Variants in HS6ST3 observed in about 807,000 individuals in gnomAD.
HS6ST3 encodes the protein heparan-sulfate 6-O-sulfotransferase 3.
HS6ST3 carries 12 observed loss-of-function variants against 36.7 expected under a neutral mutation model. That is an observed-to-expected ratio of 0.33 (90% confidence interval 0.21 to 0.53). The LOEUF is 0.53. HS6ST3 is among the 20% of genes least tolerant of loss of function. The pLI, the probability that HS6ST3 is intolerant of heterozygous loss-of-function variation, is 0.95. For missense variants in HS6ST3, 584 were observed against 640.9 expected (o/e 0.91, Z 0.96); for synonymous variants, 240 against 257.5 (o/e 0.93, Z 0.65).
At chr13:96,495,267 A>G (rs906485909) in intron 1 of HS6ST3, among the ~76,000 whole-genome samples, 4 of 152,232 alleles carry the variant, frequency 2.6e-5, no homozygotes, top group Admixed American at 6.5e-5. Context: ...AGAGGATGCC[A>G]TATCATGAGG....
intron 1 of HS6ST3, among the ~76,000 whole-genome samples, chr13:96,273,299 G>T (rs7986153): frequency 0.53 from 81,020 of 151,652 alleles, 22,295 homozygotes; most frequent in African/African-American, 0.63. Flanking sequence ...TATAGTCCAG[G>T]GCATTTAATT....
At chr13:96,119,921 A>G (rs955496572) in intron 1 of HS6ST3, among the ~76,000 whole-genome samples, 1 of 151,892 alleles carries the variant, frequency 6.6e-6, no homozygotes. Flanking sequence ...GGGATTATTC[A>G]GGATGGAATT....
chr13:96,298,327 C>T lies in HS6ST3; in HGVS notation c.707+206758C>T, dbSNP rs570656405. ...AAGCATGGTTTGGCGTGTGCACACA[C>T]AAAACACATAGCATGTGATGGGAGG... On this transcript the variant is annotated intron_variant, in intron 1 of 1. Coordinates refer to ENST00000376705, the MANE Select transcript of HS6ST3 (RefSeq NM_153456.4). 7.8e-4 allele frequency among the ~76,000 whole-genome samples: 119 copies of T among 152,200 alleles called. 2 individuals are homozygous for T. In the South Asian group the frequency reaches 0.024, roughly 31 times the overall value.
chr13:96,147,183 C>G (rs1337291566), intron 1 of HS6ST3, among the ~76,000 whole-genome samples: 3 of 152,194 alleles, frequency 2.0e-5, no homozygotes, highest in African/African-American at 7.2e-5. Flanking sequence ...AAAGGATTAG[C>G]TCAATTATTA....
intron 1 of HS6ST3, among the ~76,000 whole-genome samples, chr13:96,495,717 G>T (rs1318771319): frequency 6.6e-6 from 1 of 152,112 alleles, no homozygotes; most frequent in Non-Finnish European, 1.5e-5. Context: ...GCCACAAATT[G>T]TTAGTTGTGT....
At chr13:96,508,381 T>G (rs2056035316) in intron 1 of HS6ST3, among the ~76,000 whole-genome samples, 1 of 152,056 alleles carries the variant, frequency 6.6e-6, no homozygotes, top group Admixed American at 6.6e-5. Context: ...ATAATTTTCT[T>G]TTTTCTACAG....
intron 1 of HS6ST3, among the ~76,000 whole-genome samples, chr13:96,667,635 T>C (rs902216310): frequency 2.0e-5 from 3 of 152,202 alleles, no homozygotes; most frequent in African/African-American, 4.8e-5. Context: ...TTTTTAGAAA[T>C]AGACAAATCT....
intron 1 of HS6ST3, among the ~76,000 whole-genome samples, chr13:96,643,751 G>T (rs2056578569): frequency 6.6e-6 from 1 of 151,640 alleles, no homozygotes; most frequent in Non-Finnish European, 1.5e-5. Context: ...GCTTTGAAGG[G>T]GTTCTTACCC....
chr13:96,616,992 CAT>C (rs1490002140), intron 1 of HS6ST3, among the ~76,000 whole-genome samples: 1 of 152,134 alleles, frequency 6.6e-6, no homozygotes, highest in African/African-American at 2.4e-5. Flanking sequence ...GTTCAAGAAA[CAT>C]AAGAGTTCAG....
intron 1 of HS6ST3, among the ~76,000 whole-genome samples, chr13:96,339,815 G>A (rs1872827490): frequency 1.3e-5 from 2 of 152,182 alleles, no homozygotes; most frequent in African/African-American, 4.8e-5. Flanking sequence ...CTATCTGTGG[G>A]CCCTGTGTGG....
intron 1 of HS6ST3, among the ~76,000 whole-genome samples, chr13:96,303,894 G>A (rs963358476): frequency 3.3e-5 from 5 of 152,142 alleles, no homozygotes; most frequent in African/African-American, 1.2e-4. Context: ...TGTAATCCCA[G>A]TAGTTTGAGA....
At chr13:96,738,355 A>G (rs898574160) in intron 1 of HS6ST3, among the ~76,000 whole-genome samples, 2 of 152,172 alleles carry the variant, frequency 1.3e-5, no homozygotes, top group African/African-American at 4.8e-5. Flanking sequence ...TGACTGCAGT[A>G]ACATCAAAGA....
At chr13:96,586,881 C>A (rs1340259899) in intron 1 of HS6ST3, among the ~76,000 whole-genome samples, 2 of 152,148 alleles carry the variant, frequency 1.3e-5, no homozygotes, top group Non-Finnish European at 2.9e-5. Flanking sequence ...TTGCCCAGAC[C>A]AGTGTCATAG....
intron 1 of HS6ST3, among the ~76,000 whole-genome samples, chr13:96,702,985 C>T (rs1875328034): frequency 6.6e-6 from 1 of 152,182 alleles, no homozygotes; most frequent in Non-Finnish European, 1.5e-5. Context: ...TTTGGGCTAG[C>T]CCATTCAACT....
At chr13:96,276,139 G>A (rs190120605) in intron 1 of HS6ST3, among the ~76,000 whole-genome samples, 24 of 152,212 alleles carry the variant, frequency 1.6e-4, no homozygotes, top group African/African-American at 5.8e-4. Context: ...TGTTGCTGGT[G>A]TGGAGGTTTT....
chr13:96,309,771 C>T (rs182873829), intron 1 of HS6ST3, among the ~76,000 whole-genome samples: 9 of 152,140 alleles, frequency 5.9e-5, no homozygotes, highest in East Asian at 5.8e-4. Flanking sequence ...GTAATAAGAT[C>T]GTATGTTCCT....
At chr13:96,302,016 G>A (rs967347814) in intron 1 of HS6ST3, among the ~76,000 whole-genome samples, 2 of 150,902 alleles carry the variant, frequency 1.3e-5, no homozygotes, top group East Asian at 1.9e-4. Flanking sequence ...TAATATGATA[G>A]CATTAAGCTA....
rs113896049 is a variant in HS6ST3, at chr13:96,502,629, C to T, written c.708-329861C>T. 1.0e-2 allele frequency among the ~76,000 whole-genome samples: 1,520 copies of T among 152,218 alleles called. 10 individuals are homozygous for T. Among genetic ancestry groups the T allele is most frequent in the Non-Finnish European group, 0.016 (1,118 of 68,012 alleles). ...TTCACTGGAGTCAGATATACAATATCCCGAAGTAAGAATTCCGTACAAGTT... is the reference window on the plus strand; with the variant it reads ...TTCACTGGAGTCAGATATACAATATTCCGAAGTAAGAATTCCGTACAAGTT... On this transcript the variant is annotated intron_variant, in intron 1 of 1. Transcript: ENST00000376705.
chr13:96,207,670 C>A (rs565496183), intron 1 of HS6ST3, among the ~76,000 whole-genome samples: 19 of 152,290 alleles, frequency 1.2e-4, no homozygotes, highest in Non-Finnish European at 2.6e-4. Flanking sequence ...GAGACCATGT[C>A]TTTTGCAGGG....
Sources: gnomAD v4.1 joint callset for allele counts (sites outside exome capture counted in the v4.1 genomes callset) on GRCh38, gnomAD v4.1.1 for gene constraint, MANE v1.5 for transcripts, NCBI Gene and HGNC (gene_info 2026-07-23, HGNC 2026-07-21) for gene names.